Variants in CNTNAP4 observed in about 807,000 individuals in gnomAD.
CNTNAP4 encodes contactin-associated protein-like 4.
CNTNAP4 carries 98 observed loss-of-function variants against 148.4 expected under a neutral mutation model. That is an observed-to-expected ratio of 0.66 (90% CI 0.56 to 0.78). The LOEUF is 0.78. Ranked by LOEUF, CNTNAP4 falls within the 30% of genes least tolerant of loss-of-function variation. The pLI is 0.00. For synonymous variants in CNTNAP4, 730 were observed against 565.1 expected, an observed-to-expected ratio of 1.29 and a Z score of -4.14; for missense variants, 1,935 against 1,565.6, an observed-to-expected ratio of 1.24 and a Z score of -3.98.
chr16:76,488,905 C>T (rs1346693169), intron 12 of CNTNAP4, among the ~76,000 whole-genome samples: 1 of 152,140 alleles, frequency 6.6e-6, no homozygotes, highest in Non-Finnish European at 1.5e-5. Context: ...GACATTCAGG[C>T]ACCAATAGTG....
intron 9 of CNTNAP4, among the ~76,000 whole-genome samples, chr16:76,466,703 T>C (rs1173372766): frequency 6.6e-6 from 1 of 151,996 alleles, no homozygotes; most frequent in Non-Finnish European, 1.5e-5. Flanking sequence ...ATATAAATGT[T>C]AGAAAAAAAT....
intron 3 of CNTNAP4, among the ~76,000 whole-genome samples, chr16:76,363,798 A>G (rs1284776344): frequency 1.3e-5 from 2 of 152,160 alleles, no homozygotes; most frequent in Non-Finnish European, 2.9e-5. Flanking sequence ...TCACAAGTCA[A>G]CACAGTTAGT....
In CNTNAP4 at chr16:76,558,765, C is replaced by A. The variant is rs185739065; in HGVS notation, c.*82C>A. The A allele has an allele frequency of 3.2e-5, 34 of 1,070,366 alleles. No individual in the cohort carries two copies. The East Asian group carries it at 5.8e-4, about 18-fold the overall frequency. The allele number at this position is 1,070,366 out of a possible 1,614,324, so 66.3% of individuals were successfully genotyped here. ...CTCAATGGAAAAACGAATGCTCTTACACTGAATGTACAGGCAGTGGGCTTG... is the reference window on the plus strand; with the variant it reads ...CTCAATGGAAAAACGAATGCTCTTAAACTGAATGTACAGGCAGTGGGCTTG... On this transcript the variant is annotated 3_prime_UTR_variant, in exon 24 of 24. Transcript: ENST00000611870.
In CNTNAP4 at chr16:76,397,938, T is replaced by TTATGTATA. The variant is rs2078259495; in HGVS notation, c.391-29511_391-29510insGTATATAT. Among the ~76,000 whole-genome samples the TTATGTATA allele has an allele frequency of 1.6e-4, 10 of 62,292 alleles. 2 individuals are homozygous for TTATGTATA. The East Asian group carries it at 5.6e-3, about 35-fold the overall frequency. 40.9% of individuals were successfully genotyped at this position (62,292 alleles called of 152,430 possible). ...TCTCTAGAGGGACAGAACTAATAGA[T>TTATGTATA]TATATACATATATATATATATATAT... On this transcript the variant is annotated intron_variant, in intron 3 of 23. Transcript: ENST00000611870.
At chr16:76,522,687 C>CTTTCTTTTCTTTTCTTTTCT (rs71378619) in intron 17 of CNTNAP4, among the ~76,000 whole-genome samples, 478 of 29,946 alleles carry the variant, frequency 0.016, 20 homozygotes, top group Middle Eastern at 0.039. Context: ...TCTTTCTCTC[C>CTTTCTTTTCTTTTCTTTTCT]TTTCTTTTCT....
chr16:76,336,427 C>T (rs1419028211), intron 2 of CNTNAP4, among the ~76,000 whole-genome samples: 1 of 152,214 alleles, frequency 6.6e-6, no homozygotes, highest in East Asian at 1.9e-4. Context: ...ACAAATACTA[C>T]AAAGCAAGAC....
chr16:76,521,953 G>A (rs2083469905), intron 16 of CNTNAP4, 86 bp from the exon 17 acceptor site: 11 of 1,173,714 alleles, frequency 9.4e-6, no homozygotes, highest in South Asian at 2.5e-5. Context: ...CGATTGTTAC[G>A]CTGTAGTGTG....
At chr16:76,551,831 C>T (rs1365425520) in intron 21 of CNTNAP4, among the ~76,000 whole-genome samples, 2 of 152,184 alleles carry the variant, frequency 1.3e-5, no homozygotes, top group African/African-American at 2.4e-5. Context: ...AACGTAGATT[C>T]AAGTTGCCCT....
Position 76,521,310 on chromosome 16 carries a change from T to C in CNTNAP4, c.2536T>C (p.Ser846Pro). 1.3e-6 allele frequency: 2 copies of C among 1,597,362 alleles called. No individual in the cohort carries two copies. The highest frequency in any genetic ancestry group is 2.3e-5 in the South Asian group (2 of 87,954). The change falls in exon 16 of 24, where the codon TCT becomes CCT. Residue 846 changes from serine (S) to proline (P), a missense_variant and splice_region_variant. Ser to Pro is a moderately conservative substitution (Grantham distance 74). Transcript: ENST00000611870. Reference protein sequence around the residue: ...IADFIRIELRSPTVVTFSFDV... With the variant: ...IADFIRIELRPPTVVTFSFDV... ...TGATTTTATACGGATAGAGCTTCGC[T>C]GTAAGTCTCCTTTTCCAGAGAAGTG... is the stretch of plus-strand genomic sequence containing the variant.
chr16:76,501,167 T>TA (rs1344271018), intron 15 of CNTNAP4, among the ~76,000 whole-genome samples: 3 of 152,208 alleles, frequency 2.0e-5, no homozygotes, highest in African/African-American at 7.2e-5. Context: ...CAGTGAGCCT[T>TA]ACACAATCCC....
At chr16:76,345,434 C>T (rs1964821848) in intron 2 of CNTNAP4, among the ~76,000 whole-genome samples, 1 of 152,122 alleles carries the variant, frequency 6.6e-6, no homozygotes, top group East Asian at 1.9e-4. Context: ...GTGAAGCAGT[C>T]AAGGAAGGCT....
intron 3 of CNTNAP4, among the ~76,000 whole-genome samples, chr16:76,365,504 A>G (rs2014000103): frequency 6.6e-6 from 1 of 152,162 alleles, no homozygotes; most frequent in African/African-American, 2.4e-5. Context: ...TAATCCCAGC[A>G]CTTTGGGAGG....
intron 3 of CNTNAP4, among the ~76,000 whole-genome samples, chr16:76,377,631 C>T (rs1395158278): frequency 6.6e-6 from 1 of 152,122 alleles, no homozygotes; most frequent in Non-Finnish European, 1.5e-5. Context: ...AAGAAATGAC[C>T]TGTGGTTTGC....
chr16:76,390,258 G>A (rs139562840), intron 3 of CNTNAP4, among the ~76,000 whole-genome samples: 1 of 152,318 alleles, frequency 6.6e-6, no homozygotes, highest in East Asian at 1.9e-4. Flanking sequence ...ATATGGTGAA[G>A]AGTGGGCATC....
chr16:76,428,170 G>A (rs1272065688), intron 4 of CNTNAP4, among the ~76,000 whole-genome samples: 1 of 152,138 alleles, frequency 6.6e-6, no homozygotes, highest in East Asian at 1.9e-4. Flanking sequence ...ATTTCACTTA[G>A]TCTCCTCTTA....
At chr16:76,462,929 G>A (rs1028523942) in intron 9 of CNTNAP4, among the ~76,000 whole-genome samples, 3 of 152,260 alleles carry the variant, frequency 2.0e-5, no homozygotes, top group South Asian at 2.1e-4. Context: ...AGGTAGCTGA[G>A]TCTCTATTAT....
Position 76,368,201 on chromosome 16 carries a change from CTAAAGA to C in CNTNAP4, c.390+12697_390+12702del, listed in dbSNP as rs576066397. On this transcript the variant is annotated intron_variant, in intron 3 of 23. Coordinates refer to ENST00000611870, the MANE Select transcript of CNTNAP4 (RefSeq NM_033401.5). ...AGTTAATGTTGCAAGAAGGATTTGG[CTAAAGA>C]TAAAGAGTAGGAAAAAAGCTACAGC... Among the ~76,000 whole-genome samples, 17 of 152,064 alleles carry C rather than the reference CTAAAGA, an allele frequency of 1.1e-4. No homozygotes were observed. The East Asian group carries it at 2.7e-3, about 24-fold the overall frequency.
At chr16:76,527,229 T>C (rs998776333) in intron 17 of CNTNAP4, among the ~76,000 whole-genome samples, 1 of 152,150 alleles carries the variant, frequency 6.6e-6, no homozygotes, top group African/African-American at 2.4e-5. Context: ...TGTTTATAGA[T>C]TTTGTTCCAG....
At chr16:76,527,292 C>G (rs1295406584) in intron 17 of CNTNAP4, among the ~76,000 whole-genome samples, 2 of 152,112 alleles carry the variant, frequency 1.3e-5, no homozygotes, top group African/African-American at 2.4e-5. Flanking sequence ...TATTAATACC[C>G]TGAAATATGT....
Sources: gnomAD v4.1 joint callset for allele counts (sites outside exome capture counted in the v4.1 genomes callset) on GRCh38, gnomAD v4.1.1 for gene constraint, MANE v1.5 for transcripts, NCBI Gene and HGNC (gene_info 2026-07-23, HGNC 2026-07-21) for gene names.